ARMC8: variants seen among roughly 807,000 people sequenced by gnomAD.
The protein encoded by ARMC8 is armadillo repeat containing 8.
A neutral mutation model predicts 99.3 loss-of-function variants in ARMC8; 20 were observed. That is an observed-to-expected ratio of 0.20 (90% CI 0.14 to 0.29). ARMC8 has a LOEUF of 0.29. Among genes scored for constraint, ARMC8 ranks in the 10% least tolerant of loss-of-function variants. ARMC8 has a pLI of 1.00. For synonymous variants in ARMC8, 263 were observed against 278.3 expected (o/e 0.95, Z 0.55); for missense variants, 569 against 809.5 (o/e 0.70, Z 3.60).
chr3:138,281,295 T>A (rs2108345602), intron 18 of ARMC8, among the ~76,000 whole-genome samples: 1 of 151,930 alleles, frequency 6.6e-6, no homozygotes, highest in South Asian at 2.1e-4. Context: ...TTGATTTCTT[T>A]TTCTTTTTTT....
intron 12 of ARMC8, 37 bp downstream of exon 12, chr3:138,245,220 G>A (rs780487813): frequency 1.9e-6 from 3 of 1,614,196 alleles, no homozygotes; most frequent in Non-Finnish European, 2.5e-6. Flanking sequence ...AGTCCTGACA[G>A]CCAGCAGGCA....
At chr3:138,256,402 C>CTTTTTTTTTTTTTTTT (rs71146121) in intron 12 of ARMC8, among the ~76,000 whole-genome samples, 8 of 90,302 alleles carry the variant, frequency 8.9e-5, no homozygotes, top group African/African-American at 3.6e-4. Context: ...TTTCCTCCTT[C>CTTTTTTTTTTTTTTTT]TTTTTTTTTT....
At chr3:138,191,874 A>G (rs941176879) in intron 1 of ARMC8, among the ~76,000 whole-genome samples, 1 of 152,162 alleles carries the variant, frequency 6.6e-6, no homozygotes, top group East Asian at 1.9e-4. Context: ...CATGGTGTGG[A>G]TGTACCACAG....
Position 138,215,842 on chromosome 3 carries a change from GTTTA to G in ARMC8, c.122+5972_122+5975del, listed in dbSNP as rs542446224. On this transcript the variant is annotated intron_variant, in intron 2 of 21. Coordinates refer to ENST00000469044, the MANE Select transcript of ARMC8 (RefSeq NM_001363941.2). ...AAATATTTACAGTAAACTTTTCATG[GTTTA>G]TTTATTTATTTATTTATTTATTGTT... Among the ~76,000 whole-genome samples the G allele has an allele frequency of 7.7e-3, 1,163 of 151,400 alleles. 10 individuals carry two copies. Among genetic ancestry groups the G allele is most frequent in the African/African-American group, 0.024 (973 of 41,294 alleles).
intron 12 of ARMC8, among the ~76,000 whole-genome samples, chr3:138,250,996 C>A (rs2047097427): frequency 6.6e-6 from 1 of 151,772 alleles, no homozygotes; most frequent in African/African-American, 2.4e-5. Context: ...AAAAAAAATA[C>A]AAAAATTATC....
At chr3:138,269,903 T>A (rs1357417733) in intron 15 of ARMC8, 137 bp from the exon 16 acceptor site, 16 of 259,022 alleles carry the variant, frequency 6.2e-5, no homozygotes, top group Non-Finnish European at 7.5e-6. Flanking sequence ...TATGGCTACA[T>A]CACTCCCTGC....
intron 6 of ARMC8, among the ~76,000 whole-genome samples, chr3:138,232,168 G>A (rs192714977): frequency 6.6e-6 from 1 of 151,254 alleles, no homozygotes; most frequent in East Asian, 2.0e-4. Flanking sequence ...TAGAGATGGG[G>A]TTTCACCATG....
At chr3:138,267,820 T>C (rs1226421125) in intron 15 of ARMC8, among the ~76,000 whole-genome samples, 2 of 152,256 alleles carry the variant, frequency 1.3e-5, no homozygotes, top group Non-Finnish European at 2.9e-5. Flanking sequence ...TATGTCATAA[T>C]ACCCCTGATC....
rs58707271 is a variant in ARMC8, at chr3:138,201,436, C to CTTTT, written c.46-8343_46-8340dup. The stretch of plus-strand genomic sequence containing the variant: ...TAGAGTCCTTGTCTTCTTCCCCTCC[C>CTTTT]TTTTTTTTTTTTTTTTTTTTTTTTT... On this transcript the variant is annotated intron_variant, in intron 1 of 21. Transcript: ENST00000469044. Among the ~76,000 whole-genome samples, 165 of 64,990 alleles carry CTTTT rather than the reference C, an allele frequency of 2.5e-3. 53 individuals carry two copies. The highest frequency in any genetic ancestry group is 3.9e-3 in the Non-Finnish European group (114 of 29,394). 42.6% of individuals were successfully genotyped at this position (64,990 alleles called of 152,430 possible). A position where few individuals can be genotyped will look rare whatever the true frequency, so the allele number is the denominator to read the frequency against.
chr3:138,267,053 T>G (rs2048351094), intron 14 of ARMC8, 102 bp from the exon 15 acceptor site: 2 of 670,540 alleles, frequency 3.0e-6, no homozygotes, highest in East Asian at 5.8e-5. Flanking sequence ...AGAATCAGGT[T>G]GAAAGATAAT....
At chr3:138,245,749 C>T in intron 12 of ARMC8, 1 of 988,634 alleles carries the variant, frequency 1.0e-6, no homozygotes, top group Non-Finnish European at 1.2e-6. Context: ...ACTGGTATAG[C>T]ACCCTTATGT....
intron 2 of ARMC8, among the ~76,000 whole-genome samples, chr3:138,217,597 A>G (rs1465885005): frequency 2.6e-5 from 4 of 152,120 alleles, no homozygotes; most frequent in Non-Finnish European, 4.4e-5. Flanking sequence ...AGAAAGTTTA[A>G]CCTCTGTGTA....
intron 1 of ARMC8, among the ~76,000 whole-genome samples, chr3:138,191,787 A>T (rs541014094): frequency 6.6e-6 from 1 of 152,126 alleles, no homozygotes; most frequent in South Asian, 2.1e-4. Flanking sequence ...GTTTTTTGTC[A>T]CTCAGTATAA....
At chr3:138,273,248 A>C in intron 17 of ARMC8, 132 bp downstream of exon 17, 1 of 1,005,858 alleles carries the variant, frequency 9.9e-7, no homozygotes, top group Non-Finnish European at 1.4e-6. Context: ...CCAAAGAAAC[A>C]AGGAGTTGAT....
At chr3:138,206,728 C>A (rs1007849601) in intron 1 of ARMC8, among the ~76,000 whole-genome samples, 1 of 152,164 alleles carries the variant, frequency 6.6e-6, no homozygotes, top group Non-Finnish European at 1.5e-5. Context: ...GTGACCTGAT[C>A]TACAAGGAGC....
intron 12 of ARMC8, among the ~76,000 whole-genome samples, chr3:138,247,886 C>G (rs902256390): frequency 1.3e-5 from 2 of 152,128 alleles, no homozygotes; most frequent in African/African-American, 4.8e-5. Flanking sequence ...ATAACATTCC[C>G]TGGAACTTAA....
In ARMC8 at chr3:138,219,714, C is replaced by T. The variant is rs1326340198; in HGVS notation, c.123-2212C>T. ...TATCTAGCACAGGTATATTTACTTACTAAAGCCAAAGCGAGAATCTTTTTC... is the reference window on the plus strand; with the variant it reads ...TATCTAGCACAGGTATATTTACTTATTAAAGCCAAAGCGAGAATCTTTTTC... On this transcript the variant is annotated intron_variant, in intron 2 of 21. Transcript: ENST00000469044. Among the ~76,000 whole-genome samples the T allele has an allele frequency of 3.3e-5, 5 of 152,300 alleles. No homozygotes were observed. The South Asian group carries it at 1.0e-3, about 32-fold the overall frequency.
chr3:138,263,003 C>T (rs903219120), intron 12 of ARMC8, among the ~76,000 whole-genome samples: 1 of 152,092 alleles, frequency 6.6e-6, no homozygotes, highest in Non-Finnish European at 1.5e-5. Context: ...CAGTGCTTGG[C>T]ACATGGAAGA....
intron 5 of ARMC8, among the ~76,000 whole-genome samples, chr3:138,225,758 C>G (rs2045661652): frequency 6.6e-6 from 1 of 152,150 alleles, no homozygotes; most frequent in South Asian, 2.1e-4. Flanking sequence ...ATTGTACACA[C>G]AGGAGTCAGA....
Sources: gnomAD v4.1 joint callset for allele counts (sites outside exome capture counted in the v4.1 genomes callset) on GRCh38, gnomAD v4.1.1 for gene constraint, MANE v1.5 for transcripts, NCBI Gene and HGNC (gene_info 2026-07-23, HGNC 2026-07-21) for gene names.